Variants in ASAP3 observed in about 807,000 individuals in gnomAD.
ASAP3 encodes ArfGAP with SH3 domain, ankyrin repeat and PH domain 3.
A neutral mutation model predicts 118.2 loss-of-function variants in ASAP3; 85 were observed. The observed-to-expected ratio is 0.72, with a 90% CI of 0.60 to 0.86. The LOEUF is 0.86. Among genes scored for constraint, ASAP3 ranks in the 40% least tolerant of loss-of-function variants. The pLI, the probability that ASAP3 is intolerant of heterozygous loss-of-function variation, is 0.00. For synonymous variants in ASAP3, 432 were observed against 477.4 expected (o/e 0.90, Z 1.24); for missense variants, 1,026 against 1,175.0 (o/e 0.87, Z 1.85).
At chr1:23,429,983 G>A in intron 24 of ASAP3, 53 bp from the exon 25 acceptor site, 1 of 1,451,668 alleles carries the variant, frequency 6.9e-7, no homozygotes, top group Non-Finnish European at 9.6e-7. Flanking sequence ...AACATACCAG[G>A]TGTTCATCTC....
At chr1:23,478,987 C>T (rs1642221740) in intron 1 of ASAP3, among the ~76,000 whole-genome samples, 1 of 152,034 alleles carries the variant, frequency 6.6e-6, no homozygotes, top group Non-Finnish European at 1.5e-5. Context: ...GAGAAGCGCC[C>T]CCTCCCACAC....
At chr1:23,430,185 G>A (rs910941507) in intron 24 of ASAP3, among the ~76,000 whole-genome samples, 9 of 152,148 alleles carry the variant, frequency 5.9e-5, no homozygotes, top group African/African-American at 2.2e-4. Context: ...TGGTTTTCAG[G>A]GCAATAGTGG....
chr1:23,432,766 C>A (rs1008315222), intron 22 of ASAP3, among the ~76,000 whole-genome samples: 10 of 152,202 alleles, frequency 6.6e-5, no homozygotes, highest in African/African-American at 2.4e-4. Flanking sequence ...GTCTTGGTAG[C>A]CCTCAAAGGA....
At chr1:23,455,489 G>A (rs1009267049) in intron 3 of ASAP3, among the ~76,000 whole-genome samples, 5 of 152,188 alleles carry the variant, frequency 3.3e-5, no homozygotes, top group African/African-American at 1.2e-4. Context: ...AAGAGGGAGT[G>A]AGGAGAGGAG....
intron 1 of ASAP3, among the ~76,000 whole-genome samples, chr1:23,470,562 CCT>C (rs2148657135): frequency 6.6e-6 from 1 of 152,340 alleles, no homozygotes; most frequent in South Asian, 2.1e-4. Flanking sequence ...CCACCCTGAG[CCT>C]CTGACTCCTC....
rs766105033 is a variant in ASAP3, at chr1:23,437,178, C to T, written c.1294G>A (p.Val432Met). Residue 432 changes from valine (V) to methionine (M), a missense_variant, in exon 14 of 25, where the codon GTG becomes ATG. By Grantham distance (21) the Val-to-Met change is conservative. Coordinates refer to ENST00000336689, the MANE Select transcript of ASAP3 (RefSeq NM_017707.4). The surrounding 1 kb of genome is among the most constrained non-coding windows in gnomAD (Gnocchi z 6.1). Reference protein sequence around the residue: ...HDLTKLLIAEVKSRPGNSQCC... With the variant: ...HDLTKLLIAEMKSRPGNSQCC... ...TGGCTATTCCCAGGCCTGCTCTTCA[C>T]CTCCGCGATGAGCAGCTTTGTGAGG... 7 of 1,608,132 alleles carry T rather than the reference C, an allele frequency of 4.4e-6. No individual in the cohort carries two copies. Among genetic ancestry groups the T allele is most frequent in the African/African-American group, 1.3e-5 (1 of 74,992 alleles).
Position 23,436,972 on chromosome 1 carries a change from C to A in ASAP3, c.1415G>T (p.Gly472Val), listed in dbSNP as rs1274337752. ...IQCSGVHREL[G>V]VRFSRMQSLT... ...TGACTGCATGCGCGAAAAGCGCACG[C>A]CCAGTTCGCGGTGGACGCCCGAGCA... Residue 472 changes from glycine to valine, a missense_variant, in exon 15 of 25, where the codon GGC becomes GTC. Transcript: ENST00000336689. The surrounding 1 kb of genome is among the most constrained non-coding windows in gnomAD (Gnocchi z 4.2). 1.2e-6 allele frequency: 2 copies of A among 1,612,564 alleles called. No homozygotes were observed. The highest frequency in any genetic ancestry group is 1.7e-6 in the Non-Finnish European group (2 of 1,179,782).
At position 23,435,846 on chromosome 1, in the gene ASAP3, C is replaced by T; in HGVS notation, c.1749+5G>A. 1 of 1,614,238 alleles carries T rather than the reference C, an allele frequency of 6.2e-7. No homozygotes were observed. On this transcript the variant is annotated splice_donor_5th_base_variant and intron_variant, in intron 17 of 24. Transcript: ENST00000336689. ...GTTATAAGTGGCCCTTGGAGGGGTT[C>T]TCACCTGTGCATCAGGCCCTGGCAG... is the stretch of plus-strand genomic sequence containing the variant.
At chr1:23,457,431 C>T (rs1038090961) in intron 1 of ASAP3, among the ~76,000 whole-genome samples, 2 of 152,142 alleles carry the variant, frequency 1.3e-5, no homozygotes, top group African/African-American at 2.4e-5. Flanking sequence ...TCTCAGAGGC[C>T]GGTGGCATGT....
At chr1:23,456,565 G>A (rs1377503398) in intron 1 of ASAP3, among the ~76,000 whole-genome samples, 1 of 152,224 alleles carries the variant, frequency 6.6e-6, no homozygotes, top group African/African-American at 2.4e-5. Flanking sequence ...TCTGAGCCTT[G>A]AGTGCCTTGT....
At chr1:23,450,641 T>G (rs201342453) in intron 5 of ASAP3, among the ~76,000 whole-genome samples, 1 of 151,240 alleles carries the variant, frequency 6.6e-6, no homozygotes, top group East Asian at 1.9e-4. Flanking sequence ...GAGAGTATTA[T>G]CCGCCTGCCA....
In ASAP3 at chr1:23,437,337, G is replaced by A; in HGVS notation, c.1152-17C>T. On this transcript the variant is annotated splice_polypyrimidine_tract_variant and intron_variant, in intron 13 of 24. Coordinates refer to ENST00000336689, the MANE Select transcript of ASAP3 (RefSeq NM_017707.4). The surrounding 1 kb of genome is among the most constrained non-coding windows in gnomAD (Gnocchi z 6.1). ...GACACCCACCTGCGGAGATTGAACG[G>A]GGTGGGATGGGGATGTCAAGTGGGA... is the stretch of plus-strand genomic sequence containing the variant. 1 of 1,608,890 alleles carries A rather than the reference G, an allele frequency of 6.2e-7. No individual in the cohort carries two copies. The highest frequency in any genetic ancestry group is 8.5e-7 in the Non-Finnish European group (1 of 1,176,738).
chr1:23,457,407 G>A (rs972585571), intron 1 of ASAP3, among the ~76,000 whole-genome samples: 1 of 152,224 alleles, frequency 6.6e-6, no homozygotes, highest in Non-Finnish European at 1.5e-5. Flanking sequence ...GAACTCAGAG[G>A]CAATGTGGAG....
chr1:23,432,303 G>A (rs995830821), intron 22 of ASAP3, among the ~76,000 whole-genome samples: 1 of 152,116 alleles, frequency 6.6e-6, no homozygotes, highest in African/African-American at 2.4e-5. Context: ...CACCACATCT[G>A]GCCTAGGATC....
chr1:23,432,450 T>C (rs1640473339), intron 22 of ASAP3, among the ~76,000 whole-genome samples: 1 of 152,218 alleles, frequency 6.6e-6, no homozygotes, highest in African/African-American at 2.4e-5. Context: ...TGTCCCAGTT[T>C]GGATTCTCCT....
At chr1:23,442,666 C>A in intron 5 of ASAP3, 54 bp from the exon 6 acceptor site, 1 of 1,582,554 alleles carries the variant, frequency 6.3e-7, no homozygotes, top group South Asian at 1.1e-5. Flanking sequence ...CCTATATCCT[C>A]TTCTGCCAAG....
In ASAP3 at chr1:23,431,016, A is replaced by G. The variant is rs770985615; in HGVS notation, c.2637+19T>C. ...GCACCCTGCCACCGCCCCTCAAACC[A>G]TGGTCCCAGAGTTCCTACCGGCACG... On this transcript the variant is annotated intron_variant, in intron 24 of 24. Transcript: ENST00000336689. The G allele has an allele frequency of 2.6e-6, 4 of 1,536,340 alleles. No homozygotes were observed. The highest frequency in any genetic ancestry group is 1.3e-5 in the South Asian group (1 of 78,832).
intron 22 of ASAP3, among the ~76,000 whole-genome samples, chr1:23,432,393 G>A (rs1226263090): frequency 2.6e-5 from 4 of 152,074 alleles, no homozygotes; most frequent in East Asian, 1.9e-4. Flanking sequence ...CTTTGTTCGC[G>A]GTGGCCAGGG....
intron 18 of ASAP3, 24 bp downstream of exon 18, chr1:23,434,505 CCAGA>C (rs780789462): frequency 1.9e-5 from 31 of 1,612,910 alleles, no homozygotes; most frequent in Middle Eastern, 1.6e-4. Flanking sequence ...GTGTGAGGAG[CCAGA>C]CAGACAGGCA....
Sources: allele counts gnomAD v4.1 joint callset (sites outside exome capture counted in the v4.1 genomes callset), GRCh38; gene constraint gnomAD v4.1.1; non-coding constraint Gnocchi (gnomAD v3.1); transcripts MANE v1.5; gene names NCBI Gene and HGNC (gene_info 2026-07-23, HGNC 2026-07-21).